Variants in INTS9 observed in about 807,000 individuals in gnomAD.
INTS9 encodes the protein integrator complex subunit 9, also known as protein related to CPSF subunits of 74 kDa.
INTS9 carries 55 observed loss-of-function variants against 79.7 expected under a neutral mutation model. The ratio of observed to expected loss-of-function variants is 0.69; its 90% CI spans 0.56 to 0.86. INTS9 has a LOEUF of 0.86. Among genes scored for constraint, INTS9 ranks in the 40% least tolerant of loss-of-function variants. The pLI is 0.00. For missense variants in INTS9, 721 were observed against 831.5 expected (o/e 0.87, Z 1.64); for synonymous variants, 319 against 325.2 (o/e 0.98, Z 0.20).
chr8:28,877,301 C>T (rs991104792), intron 1 of INTS9, among the ~76,000 whole-genome samples: 2 of 151,970 alleles, frequency 1.3e-5, no homozygotes, highest in Non-Finnish European at 2.9e-5. Context: ...AATACAAATG[C>T]TTTTATAAAT....
chr8:28,801,835 A>G (rs1384835723), intron 8 of INTS9, among the ~76,000 whole-genome samples: 2 of 151,294 alleles, frequency 1.3e-5, no homozygotes, highest in Non-Finnish European at 2.9e-5. Context: ...CTGGTCTCAA[A>G]CTCCTGGGCT....
intron 1 of INTS9, among the ~76,000 whole-genome samples, chr8:28,874,733 T>C (rs2131350414): frequency 6.6e-6 from 1 of 152,330 alleles, no homozygotes; most frequent in Non-Finnish European, 1.5e-5. Flanking sequence ...CTTTCCCTTC[T>C]AAGACATTTA....
At chr8:28,859,656 T>A (rs771057376) in intron 1 of INTS9, 93 bp from the exon 2 acceptor site, 1 of 1,365,516 alleles carries the variant, frequency 7.3e-7, no homozygotes, top group East Asian at 2.4e-5. Flanking sequence ...TCTTCTCTCA[T>A]AAGACCAGCG....
At position 28,775,823 on chromosome 8, in the gene INTS9, C is replaced by T. The variant is rs548180024; in HGVS notation, c.1499G>A (p.Arg500Gln). ...IDCQPPAMSYRRAEVLALPFK... is the reference protein window; with the variant it reads ...IDCQPPAMSYQRAEVLALPFK... ...GGGCAGGGCGAGAACCTCAGCCCGC[C>T]GATAGGACATGGCGGGGGGCTGGCA... is the stretch of plus-strand genomic sequence containing the variant. Residue 500 changes from arginine to glutamine, a missense_variant, in exon 14 of 17, where the codon CGG becomes CAG. By Grantham distance (43) the Arg-to-Gln change is conservative. Transcript: ENST00000521022. The T allele has an allele frequency of 9.3e-6, 15 of 1,614,042 alleles. No homozygotes were observed. The highest frequency in any genetic ancestry group is 1.6e-4 in the Middle Eastern group (1 of 6,062).
intron 6 of INTS9, among the ~76,000 whole-genome samples, chr8:28,815,844 T>C (rs1805438658): frequency 6.6e-6 from 1 of 152,016 alleles, no homozygotes; most frequent in African/African-American, 2.4e-5. Flanking sequence ...AATACTATAA[T>C]TGCTAAAATG....
chr8:28,856,967 C>T lies in INTS9; in HGVS notation c.137+2469G>A, dbSNP rs531128730. Among the ~76,000 whole-genome samples, 151 of 152,208 alleles carry T rather than the reference C, an allele frequency of 9.9e-4. 1 individual carries two copies. The highest frequency in any genetic ancestry group is 3.5e-3 in the African/African-American group (145 of 41,546). The stretch of plus-strand genomic sequence containing the variant: ...GCTCCCACTTACAAATGAGAACATG[C>T]GGTATTTGGTTTTCTATTCTTGTGT... On this transcript the variant is annotated intron_variant, in intron 2 of 16. Transcript: ENST00000521022.
At chr8:28,782,943 G>A (rs938317513) in intron 11 of INTS9, among the ~76,000 whole-genome samples, 14 of 151,930 alleles carry the variant, frequency 9.2e-5, no homozygotes, top group African/African-American at 3.1e-4. Context: ...GTCAGGAGAT[G>A]GAGACCATCC....
At chr8:28,776,734 A>G (rs1018760675) in intron 13 of INTS9, among the ~76,000 whole-genome samples, 18 of 152,080 alleles carry the variant, frequency 1.2e-4, no homozygotes, top group African/African-American at 4.3e-4. Context: ...GTCTCAAAGC[A>G]TCTCATGCCA....
chr8:28,839,518 T>A (rs1807029770), intron 4 of INTS9, among the ~76,000 whole-genome samples: 1 of 152,178 alleles, frequency 6.6e-6, no homozygotes, highest in Non-Finnish European at 1.5e-5. Flanking sequence ...GCTGGAGGCA[T>A]CATGCTACCT....
At chr8:28,854,949 A>G (rs1285766175) in intron 2 of INTS9, among the ~76,000 whole-genome samples, 1 of 152,166 alleles carries the variant, frequency 6.6e-6, no homozygotes, top group African/African-American at 2.4e-5. Context: ...CCATGTCACT[A>G]CAAAGGGCAT....
chr8:28,842,915 G>A (rs147564030), intron 4 of INTS9, among the ~76,000 whole-genome samples: 2,017 of 152,274 alleles, frequency 0.013, 13 homozygotes, highest in Non-Finnish European at 0.02. Context: ...TACTGTGTGT[G>A]ATGAGGCTCA....
At chr8:28,874,604 T>C (rs943124470) in intron 1 of INTS9, among the ~76,000 whole-genome samples, 1 of 152,168 alleles carries the variant, frequency 6.6e-6, no homozygotes, top group African/African-American at 2.4e-5. Flanking sequence ...CTTTAAACTC[T>C]TAAACTTCCT....
intron 11 of INTS9, among the ~76,000 whole-genome samples, chr8:28,784,683 C>CT (rs1346978939): frequency 6.6e-6 from 1 of 152,196 alleles, no homozygotes; most frequent in Non-Finnish European, 1.5e-5. Flanking sequence ...TAAAAACAGT[C>CT]TACCTGCCTT....
chr8:28,807,298 A>G (rs939802207), intron 8 of INTS9, among the ~76,000 whole-genome samples: 3 of 152,174 alleles, frequency 2.0e-5, no homozygotes, highest in Non-Finnish European at 4.4e-5. Context: ...GGAACATTTG[A>G]CCAAACTTTC....
chr8:28,771,318 A>G (rs1585319289), intron 14 of INTS9, among the ~76,000 whole-genome samples: 1 of 151,902 alleles, frequency 6.6e-6, no homozygotes, highest in Non-Finnish European at 1.5e-5. Flanking sequence ...CAGTGGCAGG[A>G]AGGACGGGGA....
intron 12 of INTS9, among the ~76,000 whole-genome samples, chr8:28,779,290 GCCTGAGAAGAGGAAAGCAGT>G (rs1803093320): frequency 1.3e-5 from 2 of 152,124 alleles, no homozygotes; most frequent in South Asian, 4.1e-4. Flanking sequence ...CCCAAAGCAG[GCCTGAGAAGAGGAAAGCAGT>G]CCTGGTGACC....
At chr8:28,805,342 A>G (rs1804750020) in intron 8 of INTS9, among the ~76,000 whole-genome samples, 1 of 152,192 alleles carries the variant, frequency 6.6e-6, no homozygotes, top group African/African-American at 2.4e-5. Context: ...CCAAGCTATC[A>G]TTTAAATGTG....
chr8:28,773,748 G>A (rs929476116), intron 14 of INTS9, among the ~76,000 whole-genome samples: 6 of 151,340 alleles, frequency 4.0e-5, no homozygotes, highest in Admixed American at 2.0e-4. Flanking sequence ...TCTTGAACTC[G>A]TGACCTTAAG....
chr8:28,790,624 G>A (rs568326287), intron 10 of INTS9, among the ~76,000 whole-genome samples: 47 of 152,194 alleles, frequency 3.1e-4, no homozygotes, highest in African/African-American at 1.0e-3. Context: ...CACCCTGATC[G>A]GCCTCTTCTA....
Sources: allele counts gnomAD v4.1 joint callset (sites outside exome capture counted in the v4.1 genomes callset), GRCh38; gene constraint gnomAD v4.1.1; transcripts MANE v1.5; gene names NCBI Gene and HGNC (gene_info 2026-07-23, HGNC 2026-07-21).